KLK5: variants seen among roughly 807,000 people sequenced by gnomAD.
KLK5 encodes the protein kallikrein-5.
KLK5 carries 18 observed loss-of-function variants against 24.0 expected under a neutral mutation model. That is an observed-to-expected ratio of 0.75 (90% CI 0.52 to 1.11). The LOEUF (loss-of-function observed/expected upper bound fraction) is 1.11, where lower values mean the gene tolerates loss of function less well. KLK5 is among the 50% of genes most tolerant of loss of function. The pLI, the probability that KLK5 is intolerant of heterozygous loss-of-function variation, is 0.00. For synonymous variants in KLK5, 140 were observed against 154.0 expected (o/e 0.91, Z 0.67); for missense variants, 374 against 379.2 (o/e 0.99, Z 0.11).
intron 2 of KLK5, among the ~76,000 whole-genome samples, chr19:50,951,349 C>T (rs1050167542): frequency 1.3e-5 from 2 of 151,858 alleles, no homozygotes; most frequent in South Asian, 2.1e-4. Context: ...CTCGGCTCAC[C>T]GCAACCTCCA....
Position 50,949,968 on chromosome 19 carries a change from A to G in KLK5, c.222T>C (p.Asp74=), listed in dbSNP as rs755186574. ...SSRIINGSDC[D]MHTQPWQAAL... ...CGGCCTGCCACGGCTGGGTGTGCAT[A>G]TCGCAGTCGGATCCATTGATGATGC... The change falls in exon 3 of 6, where the codon GAT becomes GAC. Residue 74 remains aspartate (D), a synonymous_variant. Coordinates refer to ENST00000336334, the MANE Select transcript of KLK5 (RefSeq NM_012427.5). 1 of 1,613,816 alleles carries G rather than the reference A, an allele frequency of 6.2e-7. No homozygotes were observed. Among genetic ancestry groups the G allele is most frequent in the South Asian group, 1.1e-5 (1 of 91,046 alleles).
At chr19:50,950,795 G>A (rs901157384) in intron 2 of KLK5, among the ~76,000 whole-genome samples, 2 of 149,554 alleles carry the variant, frequency 1.3e-5, no homozygotes, top group African/African-American at 4.9e-5. Context: ...AGGAGGTGGA[G>A]GCACGAGAAT....
intron 3 of KLK5, 99 bp from the exon 4 acceptor site, chr19:50,949,214 C>T (rs1415121746): frequency 2.3e-5 from 28 of 1,228,118 alleles, no homozygotes; most frequent in Non-Finnish European, 3.0e-5. Context: ...ACCCCCATCC[C>T]CACCCCCGGT....
intron 5 of KLK5, among the ~76,000 whole-genome samples, chr19:50,944,580 T>A (rs2090614910): frequency 6.6e-6 from 1 of 151,930 alleles, no homozygotes; most frequent in Non-Finnish European, 1.5e-5. Context: ...TCCTTATACC[T>A]CCCTTCTGCA....
intron 2 of KLK5, 150 bp downstream of exon 2, chr19:50,952,435 C>T (rs748877734): frequency 1.2e-5 from 6 of 511,650 alleles, no homozygotes; most frequent in South Asian, 3.7e-5. Flanking sequence ...CACATACGAT[C>T]GCACAACCAC....
intron 5 of KLK5, among the ~76,000 whole-genome samples, chr19:50,945,944 C>G (rs927360701): frequency 6.6e-6 from 1 of 152,126 alleles, no homozygotes; most frequent in Non-Finnish European, 1.5e-5. Context: ...CTCCTGAGCT[C>G]AAGTGATCTT....
intron 5 of KLK5, among the ~76,000 whole-genome samples, chr19:50,945,648 A>G (rs12463293): frequency 0.3 from 45,585 of 149,878 alleles, 8,049 homozygotes; most frequent in East Asian, 0.84. Flanking sequence ...AAAAATAGCC[A>G]GGCATGGTGG....
rs369412139 is a variant in KLK5, at chr19:50,949,871, C to T, written c.319G>A (p.Ala107Thr). Residue 107 changes from alanine (A) to threonine (T), a missense_variant, in exon 3 of 6, where the codon GCC becomes ACC. Ala to Thr is a moderately conservative substitution (Grantham distance 58). Transcript: ENST00000336334. The stretch of plus-strand genomic sequence containing the variant: ...CCCACTCACTTCTTCCTGCAGTGGG[C>T]GGCCGTGAGCAGCCACTGTGGATGC... Reference protein sequence around the residue: ...LVHPQWLLTAAHCRKKVFRVR... With the variant: ...LVHPQWLLTATHCRKKVFRVR... 4.9e-6 allele frequency: 7 copies of T among 1,414,908 alleles called. No individual in the cohort carries two copies. The highest frequency in any genetic ancestry group is 4.5e-5 in the African/African-American group (3 of 66,682). The allele number at this position is 1,414,908 out of a possible 1,614,324, so 87.6% of individuals were successfully genotyped here.
intron 3 of KLK5, 149 bp from the exon 4 acceptor site, chr19:50,949,264 A>T: frequency 3.0e-6 from 2 of 663,394 alleles, no homozygotes; most frequent in Non-Finnish European, 4.7e-6. Context: ...CTCCAATCCC[A>T]TGCCTGTCCC....
chr19:50,943,696 C>A lies in KLK5; in HGVS notation c.817G>T (p.Gly273Cys). Residue 273 changes from glycine to cysteine, a missense_variant, in exon 6 of 6, where the codon GGT (glycine) becomes TGT (cysteine). By Grantham distance (159) the Gly-to-Cys change is radical. Transcript: ENST00000336334. ...DYPCARPNRP[G>C]VYTNLCKFTK... Reference sequence around the variant, plus strand: ...AACTTGCAGAGGTTCGTGTAGACACCCGGTCTGTTGGGCCGGGCACAAGGG... The same window carrying A: ...AACTTGCAGAGGTTCGTGTAGACACACGGTCTGTTGGGCCGGGCACAAGGG... 1 of 1,613,950 alleles carries A rather than the reference C, an allele frequency of 6.2e-7. No homozygotes were observed. The highest frequency in any genetic ancestry group is 8.5e-7 in the Non-Finnish European group (1 of 1,179,956).
In KLK5 at chr19:50,952,553, C is replaced by T. The variant is rs776613075; in HGVS notation, c.73+32G>A. 1.3e-5 allele frequency: 20 copies of T among 1,547,598 alleles called. No homozygotes were observed. The East Asian group carries it at 4.7e-4, about 37-fold the overall frequency. ...TGCCGCAGAGACAGTCCTCCCAATC[C>T]CACAACCCTCCCACCCCAGAGTTCT... On this transcript the variant is annotated intron_variant, in intron 2 of 5. Coordinates refer to ENST00000336334, the MANE Select transcript of KLK5 (RefSeq NM_012427.5).
chr19:50,944,621 T>C (rs115044984), intron 5 of KLK5, among the ~76,000 whole-genome samples: 1,550 of 152,314 alleles, frequency 0.01, 27 homozygotes, highest in African/African-American at 0.036. Context: ...TGGATGAGGG[T>C]TCCTCGATCT....
At chr19:50,943,903 G>C in intron 5 of KLK5, 117 bp from the exon 6 acceptor site, 1 of 701,300 alleles carries the variant, frequency 1.4e-6, no homozygotes, top group Non-Finnish European at 2.3e-6. Context: ...CAGACACACA[G>C]AGATGGAAAG....
chr19:50,951,833 A>G (rs2090690180), intron 2 of KLK5, among the ~76,000 whole-genome samples: 1 of 152,108 alleles, frequency 6.6e-6, no homozygotes, highest in Non-Finnish European at 1.5e-5. Flanking sequence ...TCAGACTGCC[A>G]CATACTCTTC....
chr19:50,948,735 C>T lies in KLK5; in HGVS notation c.631G>A (p.Val211Met), dbSNP rs368861955. The T allele has an allele frequency of 2.8e-5, 45 of 1,613,952 alleles. No individual in the cohort carries two copies. The highest frequency in any genetic ancestry group is 5.3e-5 in the African/African-American group (4 of 74,884). Residue 211 changes from valine to methionine, a missense_variant, in exon 5 of 6, where the codon GTG becomes ATG. By Grantham distance (21) the Val-to-Met change is conservative (BLOSUM62 1). Transcript: ENST00000336334. ...TCCTCGCACCTTTTCTGACTTAGCA[C>T]GCTGATATTCAAGCACTGGAGGACC... ...PKVLQCLNIS[V>M]LSQKRCEDAY...
chr19:50,946,843 G>A (rs1291024081), intron 5 of KLK5, among the ~76,000 whole-genome samples: 1 of 152,154 alleles, frequency 6.6e-6, no homozygotes, highest in Non-Finnish European at 1.5e-5. Context: ...ACAGGTGTGA[G>A]CCACCACGCC....
rs1454292953 is a variant in KLK5, at chr19:50,945,062, CCT to C, written c.727-1278_727-1277del. On this transcript the variant is annotated intron_variant, in intron 5 of 5. Coordinates refer to ENST00000336334, the MANE Select transcript of KLK5 (RefSeq NM_012427.5). Reference sequence around the variant, plus strand: ...CTTTCTCCTTCCTTCCTTTCTTTCTCCTTCCTTCCTTCCTTTCTCTCTCCTTC... The same window carrying C: ...CTTTCTCCTTCCTTCCTTTCTTTCTCTCCTTCCTTCCTTTCTCTCTCCTTC... Among the ~76,000 whole-genome samples the C allele has an allele frequency of 6.7e-4, 95 of 141,422 alleles. 1 individual carries two copies. The East Asian group carries it at 0.014, about 22-fold the overall frequency. The allele number at this position is 141,422 out of a possible 152,430, so 92.8% of individuals were successfully genotyped here.
chr19:50,946,598 T>C (rs1024508157), intron 5 of KLK5, among the ~76,000 whole-genome samples: 19 of 152,114 alleles, frequency 1.2e-4, no homozygotes, highest in East Asian at 3.9e-4. Flanking sequence ...CTCACTGTGT[T>C]GCCCAGGCTG....
rs762297287 is a variant in KLK5 at position 50,943,711 on chromosome 19, G to A, written c.802C>T (p.Arg268Trp). 6.2e-6 allele frequency: 10 copies of A among 1,613,760 alleles called. No homozygotes were observed. The highest frequency in any genetic ancestry group is 3.3e-5 in the Admixed American group (2 of 59,972). The change falls in exon 6 of 6, where the codon CGG becomes TGG. Residue 268 changes from arginine to tryptophan, a missense_variant. Arg to Trp is a moderately radical substitution (Grantham distance 101). Transcript: ENST00000336334. ...GTGTAGACACCCGGTCTGTTGGGCC[G>A]GGCACAAGGGTAATCTCCCCAGGAC... is the stretch of plus-strand genomic sequence containing the variant. ...LVSWGDYPCA[R>W]PNRPGVYTNL...
Sources: gnomAD v4.1 joint callset for allele counts (sites outside exome capture counted in the v4.1 genomes callset) on GRCh38, gnomAD v4.1.1 for gene constraint, MANE v1.5 for transcripts, NCBI Gene and HGNC (gene_info 2026-07-23, HGNC 2026-07-21) for gene names.